The following MSH3 variants were observed in gnomAD, a reference collection of about 807,000 sequenced individuals.
MSH3 encodes mutS homolog 3.
A neutral mutation model predicts 123.3 loss-of-function variants in MSH3; 106 were observed. That is an observed-to-expected ratio of 0.86 (90% CI 0.73 to 1.01). MSH3 has a LOEUF of 1.01. Ranked by LOEUF, MSH3 falls within the 50% of genes least tolerant of loss-of-function variation. The pLI is 0.00. For missense variants in MSH3, 1,459 were observed against 1,347.6 expected (o/e 1.08, Z -1.29); for synonymous variants, 515 against 481.4 (o/e 1.07, Z -0.91).
intron 17 of MSH3, among the ~76,000 whole-genome samples, chr5:80,783,461 T>A (rs1744444069): frequency 6.6e-6 from 1 of 152,220 alleles, no homozygotes; most frequent in African/African-American, 2.4e-5. Flanking sequence ...TGTTATAGGT[T>A]TATGATAGTT....
At chr5:80,664,174 G>T (rs1749510883) in intron 2 of MSH3, among the ~76,000 whole-genome samples, 1 of 152,178 alleles carries the variant, frequency 6.6e-6, no homozygotes, top group South Asian at 2.1e-4. Context: ...AGAAAGAAAA[G>T]ATGATTTTAA....
At chr5:80,722,680 T>G (rs947956948) in intron 8 of MSH3, among the ~76,000 whole-genome samples, 1 of 152,180 alleles carries the variant, frequency 6.6e-6, no homozygotes, top group Admixed American at 6.5e-5. Context: ...AAAACCTTCA[T>G]GGAGGAAATT....
chr5:80,807,413 T>G (rs953759921), intron 19 of MSH3, among the ~76,000 whole-genome samples: 2 of 152,176 alleles, frequency 1.3e-5, no homozygotes, highest in Non-Finnish European at 2.9e-5. Flanking sequence ...TAAGAAAGAT[T>G]AATAAAAACA....
chr5:80,784,534 G>A (rs984858767), intron 17 of MSH3, among the ~76,000 whole-genome samples: 35 of 152,260 alleles, frequency 2.3e-4, no homozygotes, highest in African/African-American at 8.2e-4. Context: ...ATGCCCTCAA[G>A]CAGTTATCCT....
intron 19 of MSH3, among the ~76,000 whole-genome samples, chr5:80,802,237 T>G (rs920778320): frequency 4.7e-5 from 7 of 148,978 alleles, no homozygotes; most frequent in African/African-American, 1.7e-4. Flanking sequence ...CTCTTTTAGT[T>G]AATATTATAA....
chr5:80,757,619 G>A (rs1417800734), intron 12 of MSH3, among the ~76,000 whole-genome samples: 1 of 152,096 alleles, frequency 6.6e-6, no homozygotes, highest in African/African-American at 2.4e-5. Context: ...AAATGACTCA[G>A]GTGCCTTCTT....
intron 7 of MSH3, among the ~76,000 whole-genome samples, chr5:80,676,533 G>T (rs1479212725): frequency 6.6e-6 from 1 of 152,158 alleles, no homozygotes; most frequent in African/African-American, 2.4e-5. Flanking sequence ...TCTACGGTCA[G>T]TGGCAATATC....
intron 8 of MSH3, among the ~76,000 whole-genome samples, chr5:80,693,111 ATGTT>A (rs1283244447): frequency 1.6e-3 from 186 of 117,042 alleles, no homozygotes; most frequent in Middle Eastern, 0.013. Flanking sequence ...ATGCACATGT[ATGTT>A]TATATAGATA....
chr5:80,787,856 A>C (rs1055025329), intron 18 of MSH3, among the ~76,000 whole-genome samples, 184 bp downstream of exon 18: 1 of 152,204 alleles, frequency 6.6e-6, no homozygotes, highest in African/African-American at 2.4e-5. Flanking sequence ...TTCCTCTGTC[A>C]CTGAGTACAA....
Position 80,680,528 on chromosome 5 carries a change from T to C in MSH3, c.1340+1435T>C, listed in dbSNP as rs114736235. 6.8e-3 allele frequency among the ~76,000 whole-genome samples: 1,034 copies of C among 152,038 alleles called. 13 individuals are homozygous for C. The highest frequency in any genetic ancestry group is 0.023 in the African/African-American group (936 of 41,514). On this transcript the variant is annotated intron_variant, in intron 8 of 23. Coordinates refer to ENST00000265081, the MANE Select transcript of MSH3 (RefSeq NM_002439.5). ...GTGTGTGTATATCACTTTTTTCCAT[T>C]TGTGAACTTGCATTCCTGCTGCAAA...
intron 19 of MSH3, among the ~76,000 whole-genome samples, chr5:80,801,384 C>T (rs978129882): frequency 6.6e-6 from 1 of 152,072 alleles, no homozygotes; most frequent in African/African-American, 2.4e-5. Context: ...GTCTTTTTTC[C>T]TGCTGGTGTT....
At chr5:80,823,319 A>T (rs913625489) in intron 20 of MSH3, among the ~76,000 whole-genome samples, 3 of 152,218 alleles carry the variant, frequency 2.0e-5, no homozygotes, top group African/African-American at 7.2e-5. Flanking sequence ...GAGATGTTTT[A>T]TAGGAATCTG....
chr5:80,836,214 A>G (rs245378), intron 20 of MSH3, among the ~76,000 whole-genome samples: 68,182 of 152,024 alleles, frequency 0.45, 16,260 homozygotes, highest in Non-Finnish European at 0.54. Flanking sequence ...TTTAAACTTT[A>G]ATTTTGGACA....
At chr5:80,731,974 T>C (rs1335394777) in intron 10 of MSH3, among the ~76,000 whole-genome samples, 1 of 152,200 alleles carries the variant, frequency 6.6e-6, no homozygotes, top group Non-Finnish European at 1.5e-5. Flanking sequence ...AAAATCATGA[T>C]ATACGTTTAT....
chr5:80,687,196 G>A (rs1056777154), intron 8 of MSH3, among the ~76,000 whole-genome samples: 3 of 151,946 alleles, frequency 2.0e-5, no homozygotes, highest in Non-Finnish European at 2.9e-5. Context: ...TAAGATTTCA[G>A]CCTGTGTCTT....
chr5:80,866,787 C>G lies in MSH3; in HGVS notation c.3130+1845C>G, dbSNP rs1399747196. ...TGCTAAATATTGCTTACTGATGAGCCAAGTTTGGAGACAAGTACATTTCTT... is the reference window on the plus strand; with the variant it reads ...TGCTAAATATTGCTTACTGATGAGCGAAGTTTGGAGACAAGTACATTTCTT... On this transcript the variant is annotated intron_variant, in intron 22 of 23. Coordinates refer to ENST00000265081, the MANE Select transcript of MSH3 (RefSeq NM_002439.5). Among the ~76,000 whole-genome samples the G allele has an allele frequency of 2.0e-5, 3 of 152,088 alleles. No individual in the cohort carries two copies. The East Asian group carries it at 5.8e-4, about 29-fold the overall frequency.
At chr5:80,854,935 C>T (rs1745890911) in intron 21 of MSH3, among the ~76,000 whole-genome samples, 1 of 152,154 alleles carries the variant, frequency 6.6e-6, no homozygotes, top group Admixed American at 6.5e-5. Flanking sequence ...AGTGCCATTT[C>T]CACTTTGTGA....
At chr5:80,824,848 G>A (rs1745265659) in intron 20 of MSH3, among the ~76,000 whole-genome samples, 1 of 152,084 alleles carries the variant, frequency 6.6e-6, no homozygotes, top group Admixed American at 6.5e-5. Context: ...TTTAATGACT[G>A]CAGTGTATCT....
intron 22 of MSH3, among the ~76,000 whole-genome samples, chr5:80,865,732 G>T (rs560013405): frequency 1.3e-4 from 20 of 152,216 alleles, no homozygotes; most frequent in Admixed American, 3.3e-4. Context: ...TGCGCAATTG[G>T]TATGCTGCAA....
Sources: allele counts gnomAD v4.1 joint callset (sites outside exome capture counted in the v4.1 genomes callset), GRCh38; gene constraint gnomAD v4.1.1; transcripts MANE v1.5; gene names NCBI Gene and HGNC (gene_info 2026-07-23, HGNC 2026-07-21).